Variants in WASF1 observed in about 807,000 individuals in gnomAD.
The protein encoded by WASF1 is actin-binding protein WASF1.
In WASF1, 7 loss-of-function variants were observed where a neutral mutation model predicts 50.5. The observed-to-expected ratio is 0.14, with a 90% CI of 0.08 to 0.26. The LOEUF (loss-of-function observed/expected upper bound fraction) is 0.26. WASF1 is among the 10% of genes least tolerant of loss of function. WASF1 has a pLI of 1.00. For synonymous variants in WASF1, 205 were observed against 244.0 expected, an observed-to-expected ratio of 0.84 and a Z score of 1.49; for missense variants, 470 against 694.7, an observed-to-expected ratio of 0.68 and a Z score of 3.64.
intron 3 of WASF1, among the ~76,000 whole-genome samples, chr6:110,132,347 A>G (rs1194186985): frequency 2.0e-5 from 3 of 151,564 alleles, no homozygotes; most frequent in Non-Finnish European, 4.4e-5. Flanking sequence ...TTGCCTTACC[A>G]CACTAGCTAT....
chr6:110,170,653 TAA>T (rs1420737732), intron 2 of WASF1, among the ~76,000 whole-genome samples: 1 of 151,090 alleles, frequency 6.6e-6, no homozygotes, highest in Admixed American at 6.6e-5. Flanking sequence ...AATTAAAAGA[TAA>T]GAGACAGAGT....
intron 3 of WASF1, among the ~76,000 whole-genome samples, chr6:110,134,366 G>A (rs1214294933): frequency 2.6e-5 from 4 of 151,416 alleles, no homozygotes; most frequent in Non-Finnish European, 4.4e-5. Flanking sequence ...TCAATTGGCT[G>A]TAAGTATCTG....
intron 2 of WASF1, among the ~76,000 whole-genome samples, chr6:110,164,340 T>A (rs1380590123): frequency 6.6e-6 from 1 of 151,592 alleles, no homozygotes; most frequent in Non-Finnish European, 1.5e-5. Context: ...AAAAAACTCT[T>A]GAAATTCAAC....
intron 2 of WASF1, among the ~76,000 whole-genome samples, chr6:110,169,564 C>T (rs1182986716): frequency 6.6e-6 from 1 of 152,146 alleles, no homozygotes; most frequent in Non-Finnish European, 1.5e-5. Flanking sequence ...GTACACAAAT[C>T]TGATACACTG....
chr6:110,153,488 T>A (rs542301077), intron 3 of WASF1, among the ~76,000 whole-genome samples: 5 of 152,276 alleles, frequency 3.3e-5, no homozygotes, highest in African/African-American at 1.2e-4. Context: ...ATTAAATCAA[T>A]CTATGTTGAT....
chr6:110,161,711 A>C (rs1776269401), intron 2 of WASF1, among the ~76,000 whole-genome samples: 1 of 151,554 alleles, frequency 6.6e-6, no homozygotes, highest in Admixed American at 6.6e-5. Context: ...TACCTTTTAC[A>C]ATGAATTATT....
rs547598476 is a variant in WASF1 at position 110,145,883 on chromosome 6, A to C, written c.-29+14752T>G. ...TTTCTCAGCAAACTATAACAAGGAC[A>C]AAAAAACCAAACACTGCATGTTCTC... On this transcript the variant is annotated intron_variant, in intron 3 of 10. Coordinates refer to ENST00000392589, the MANE Select transcript of WASF1 (RefSeq NM_003931.3). Among the ~76,000 whole-genome samples, 60 of 151,836 alleles carry C rather than the reference A, an allele frequency of 4.0e-4. No homozygotes were observed. In the Middle Eastern group the frequency reaches 0.017, roughly 43 times the overall value.
chr6:110,118,047 C>T (rs1022056314), intron 4 of WASF1, among the ~76,000 whole-genome samples: 4 of 152,020 alleles, frequency 2.6e-5, no homozygotes, highest in African/African-American at 9.7e-5. Flanking sequence ...CGGTACCAGC[C>T]ACTGCAAAAC....
intron 2 of WASF1, 26 bp downstream of exon 2, chr6:110,178,572 G>A (rs1301797595): frequency 6.6e-6 from 1 of 152,590 alleles, no homozygotes; most frequent in African/African-American, 2.4e-5. Context: ...AAAAGGAAAT[G>A]ATTAGAGTAA....
At chr6:110,135,638 C>T (rs1031806147) in intron 3 of WASF1, among the ~76,000 whole-genome samples, 1 of 149,520 alleles carries the variant, frequency 6.7e-6, no homozygotes, top group Admixed American at 6.7e-5. Flanking sequence ...GAATATGTTA[C>T]ATTATATGGC....
intron 3 of WASF1, among the ~76,000 whole-genome samples, chr6:110,132,598 C>A (rs776947313): frequency 5.9e-5 from 9 of 151,696 alleles, no homozygotes; most frequent in African/African-American, 9.7e-5. Context: ...TGTATAAGTT[C>A]TTTAGTGGTG....
At position 110,127,563 on chromosome 6, in the gene WASF1, C is replaced by A; in HGVS notation, c.39G>T (p.Leu13Phe). 6.3e-7 allele frequency: 1 copy of A among 1,587,988 alleles called. No homozygotes were observed. The highest frequency in any genetic ancestry group is 8.6e-7 in the Non-Finnish European group (1 of 1,168,038). The stretch of plus-strand genomic sequence containing the variant: ...TGCCTCTAGGCAGTGCTGTGTGGCA[C>A]AAGTGCCTAGGATCGATGTTTCTTT... ...LVKRNIDPRH[L>F]CHTALPRGIK... is the part of the protein sequence containing the mutation. The change falls in exon 4 of 11, where the codon TTG (leucine) becomes TTT (phenylalanine). Residue 13 changes from leucine (L) to phenylalanine (F), a missense_variant. Transcript: ENST00000392589.
intron 4 of WASF1, among the ~76,000 whole-genome samples, chr6:110,124,190 C>CGT (rs1774262769): frequency 9.2e-6 from 1 of 108,822 alleles, no homozygotes; most frequent in South Asian, 3.4e-4. Context: ...GCCCCATCAG[C>CGT]GTCTCTCTCT....
At chr6:110,154,239 C>T (rs73535837) in intron 3 of WASF1, among the ~76,000 whole-genome samples, 35,253 of 151,880 alleles carry the variant, frequency 0.23, 6,220 homozygotes, top group African/African-American at 0.5. Flanking sequence ...ATACCTAATA[C>T]AATACAATAT....
chr6:110,153,702 G>A (rs928408255), intron 3 of WASF1, among the ~76,000 whole-genome samples: 4 of 151,732 alleles, frequency 2.6e-5, no homozygotes, highest in African/African-American at 7.3e-5. Context: ...TCAGAAGTTC[G>A]AGACCAGCTT....
At chr6:110,115,443 T>C (rs986215956) in intron 4 of WASF1, among the ~76,000 whole-genome samples, 2 of 151,978 alleles carry the variant, frequency 1.3e-5, no homozygotes, top group Admixed American at 1.3e-4. Flanking sequence ...TTTTTCTGGA[T>C]TGGTCCCATT....
At chr6:110,155,536 C>CTTTTTTTTTTTT (rs66645132) in intron 3 of WASF1, among the ~76,000 whole-genome samples, 18 of 45,976 alleles carry the variant, frequency 3.9e-4, no homozygotes, top group South Asian at 1.4e-3. Flanking sequence ...AAAGTGCCTT[C>CTTTTTTTTTTTT]TTTTTTTTTT....
intron 3 of WASF1, among the ~76,000 whole-genome samples, chr6:110,137,395 C>T (rs746430116): frequency 6.6e-6 from 1 of 152,194 alleles, no homozygotes; most frequent in Non-Finnish European, 1.5e-5. Context: ...ACTGCTACTA[C>T]TTTAATTCAA....
chr6:110,105,751 A>C (rs542249607), intron 7 of WASF1, among the ~76,000 whole-genome samples, 172 bp from the exon 8 acceptor site: 1 of 152,352 alleles, frequency 6.6e-6, no homozygotes, highest in East Asian at 1.9e-4. Context: ...AATCTTAGCC[A>C]GTCTGCTGTA....
Sources: gnomAD v4.1 joint callset for allele counts (sites outside exome capture counted in the v4.1 genomes callset) on GRCh38, gnomAD v4.1.1 for gene constraint, MANE v1.5 for transcripts, NCBI Gene and HGNC (gene_info 2026-07-23, HGNC 2026-07-21) for gene names.